NCOA3: variants seen among roughly 807,000 people sequenced by gnomAD.
NCOA3 encodes CBP-interacting protein.
A neutral mutation model predicts 158.8 loss-of-function variants in NCOA3; 51 were observed. That is an observed-to-expected ratio of 0.32 (90% CI 0.26 to 0.41). The LOEUF (loss-of-function observed/expected upper bound fraction) is 0.41. Among genes scored for constraint, NCOA3 ranks in the 10% least tolerant of loss-of-function variants. The probability of loss-of-function intolerance (pLI) is 1.00; values close to 1 mark genes in which losing one functional copy is unlikely to be tolerated. For synonymous variants in NCOA3, 537 were observed against 592.4 expected (o/e 0.91, Z 1.36); for missense variants, 1,510 against 1,746.6 (o/e 0.86, Z 2.41).
chr20:47,623,907 T>G lies in NCOA3; in HGVS notation c.84-4T>G. ...TTCCCCCCTTTCTACGCCTTTTCCC[T>G]TAGTCTTACCTGCAGTGGTGAAAAA... On this transcript the variant is annotated splice_region_variant and splice_polypyrimidine_tract_variant and intron_variant, in intron 3 of 22. Coordinates refer to ENST00000371998, the MANE Select transcript of NCOA3 (RefSeq NM_181659.3). 6.2e-7 allele frequency: 1 copy of G among 1,608,104 alleles called. No individual in the cohort carries two copies.
intron 1 of NCOA3, among the ~76,000 whole-genome samples, chr20:47,518,526 A>G (rs1393706317): frequency 6.6e-6 from 1 of 150,568 alleles, no homozygotes; most frequent in Non-Finnish European, 1.5e-5. Context: ...CGGGTTTTCA[A>G]GAGATTCTCC....
chr20:47,651,629 T>C (rs1221669339), intron 20 of NCOA3, among the ~76,000 whole-genome samples: 1 of 152,128 alleles, frequency 6.6e-6, no homozygotes, highest in Non-Finnish European at 1.5e-5. Flanking sequence ...GAATGCACTT[T>C]GTGGGCTTTT....
chr20:47,562,378 G>A (rs1258345763), intron 1 of NCOA3, among the ~76,000 whole-genome samples: 1 of 152,168 alleles, frequency 6.6e-6, no homozygotes, highest in Non-Finnish European at 1.5e-5. Flanking sequence ...AATTCCTGTT[G>A]CTTCACATAC....
chr20:47,635,465 T>C lies in NCOA3; in HGVS notation c.1256T>C (p.Leu419Ser). 2 of 1,614,132 alleles carry C rather than the reference T, an allele frequency of 1.2e-6. No homozygotes were observed. Among genetic ancestry groups the C allele is most frequent in the Non-Finnish European group, 1.7e-6 (2 of 1,180,020 alleles). The change falls in exon 11 of 23, where the codon TTG (leucine) becomes TCG (serine). Residue 419 changes from leucine (L) to serine (S), a missense_variant. Transcript: ENST00000371998. ...ATGCCGAGCAGCAGGGCCTATGGCT[T>C]GGCAGACCCTAGCACCACAGGGCAG... ...LQMPSSRAYG[L>S]ADPSTTGQMS...
chr20:47,536,484 A>AT (rs981074900), intron 1 of NCOA3, among the ~76,000 whole-genome samples: 2 of 152,208 alleles, frequency 1.3e-5, no homozygotes, highest in Non-Finnish European at 2.9e-5. Context: ...AAAGGAGCTT[A>AT]TTTTTTGGTG....
intron 2 of NCOA3, among the ~76,000 whole-genome samples, chr20:47,616,276 C>G (rs1241822022): frequency 6.6e-6 from 1 of 151,550 alleles, no homozygotes; most frequent in Non-Finnish European, 1.5e-5. Context: ...TCACTGCAAC[C>G]TCCACCTCCT....
At chr20:47,558,149 C>A (rs1053945190) in intron 1 of NCOA3, among the ~76,000 whole-genome samples, 1 of 150,118 alleles carries the variant, frequency 6.7e-6, no homozygotes. Context: ...CCTCCCCCTG[C>A]TAGGTTCAAA....
At chr20:47,576,897 A>G (rs1568696575) in intron 1 of NCOA3, among the ~76,000 whole-genome samples, 1 of 152,078 alleles carries the variant, frequency 6.6e-6, no homozygotes, top group Non-Finnish European at 1.5e-5. Context: ...GCAGCACTGC[A>G]TGCAGTTTTT....
rs1380806649 is a variant in NCOA3 at position 47,533,793 on chromosome 20, C to T, written c.-99+31774C>T. On this transcript the variant is annotated intron_variant, in intron 1 of 22. Transcript: ENST00000371998. ...TGCAGAAATTAGCCCAGCATGGTGG[C>T]AGGTGCCTGTGGTCCTAGCTTACTG... is the stretch of plus-strand genomic sequence containing the variant. 2.0e-5 allele frequency among the ~76,000 whole-genome samples: 3 copies of T among 152,074 alleles called. No homozygotes were observed. The South Asian group carries it at 6.2e-4, about 32-fold the overall frequency.
intron 1 of NCOA3, among the ~76,000 whole-genome samples, chr20:47,580,972 G>T (rs1256904970): frequency 6.6e-6 from 1 of 152,046 alleles, no homozygotes; most frequent in Non-Finnish European, 1.5e-5. Context: ...ATGATGGTGT[G>T]TGCCTGTAGT....
intron 1 of NCOA3, among the ~76,000 whole-genome samples, chr20:47,519,102 C>T (rs1033193222): frequency 2.0e-5 from 3 of 150,924 alleles, no homozygotes; most frequent in Non-Finnish European, 4.4e-5. Flanking sequence ...TGCCACTGCA[C>T]TCCACACTGG....
Position 47,621,654 on chromosome 20 carries a change from A to ATTTTTTTTTTTTTTTT in NCOA3, c.-19-573_-19-558dup, listed in dbSNP as rs749582388. Among the ~76,000 whole-genome samples the ATTTTTTTTTTTTTTTT allele has an allele frequency of 2.3e-3, 270 of 119,728 alleles. 26 individuals carry two copies. The highest frequency in any genetic ancestry group is 7.6e-3 in the African/African-American group (222 of 29,400). 78.5% of individuals were successfully genotyped at this position (119,728 alleles called of 152,430 possible). On this transcript the variant is annotated intron_variant, in intron 2 of 22. Transcript: ENST00000371998. ...AGCATACTATTTTTCCATCAGTCAA[A>ATTTTTTTTTTTTTTTT]TTTTTTTTTTTTTTTTTGAGACGGA...
intron 19 of NCOA3, among the ~76,000 whole-genome samples, chr20:47,650,494 G>A (rs1290284293): frequency 3.3e-5 from 5 of 151,558 alleles, no homozygotes; most frequent in African/African-American, 7.3e-5. Flanking sequence ...CAAGTGATCC[G>A]CCCACCTTGG....
chr20:47,639,538 A>G, intron 14 of NCOA3, 39 bp from the exon 15 acceptor site: 1 of 1,607,092 alleles, frequency 6.2e-7, no homozygotes, highest in Non-Finnish European at 8.5e-7. Context: ...GGATTTCATT[A>G]TAATATGGAA....
chr20:47,508,036 T>C (rs2084056578), intron 1 of NCOA3, among the ~76,000 whole-genome samples: 1 of 152,172 alleles, frequency 6.6e-6, no homozygotes, highest in South Asian at 2.1e-4. Context: ...TTTAGGTCTA[T>C]AAATTGTATT....
intron 2 of NCOA3, among the ~76,000 whole-genome samples, chr20:47,621,503 G>T (rs2146296288): frequency 1.3e-5 from 2 of 152,116 alleles, no homozygotes; most frequent in Middle Eastern, 3.4e-3. Context: ...TGATCGTCTT[G>T]TTTTAAACAA....
chr20:47,625,366 C>A lies in NCOA3; in HGVS notation c.257-15C>A. The A allele has an allele frequency of 6.4e-7, 1 of 1,564,074 alleles. No individual in the cohort carries two copies. The highest frequency in any genetic ancestry group is 1.1e-5 in the South Asian group (1 of 89,994). On this transcript the variant is annotated splice_polypyrimidine_tract_variant and intron_variant, in intron 4 of 22. Coordinates refer to ENST00000371998, the MANE Select transcript of NCOA3 (RefSeq NM_181659.3). ...GATAGTGTGTTATTCGTTATACCACCTTCTGTCTTTTCAGGAAAAACTATT... is the reference window on the plus strand; with the variant it reads ...GATAGTGTGTTATTCGTTATACCACATTCTGTCTTTTCAGGAAAAACTATT...
At chr20:47,557,087 C>G (rs576426971) in intron 1 of NCOA3, among the ~76,000 whole-genome samples, 1 of 152,274 alleles carries the variant, frequency 6.6e-6, no homozygotes, top group East Asian at 1.9e-4. Context: ...AAAGAACATC[C>G]TTTTTCTCCC....
At chr20:47,531,694 T>C (rs755788258) in intron 1 of NCOA3, among the ~76,000 whole-genome samples, 4 of 152,200 alleles carry the variant, frequency 2.6e-5, no homozygotes, top group Admixed American at 6.6e-5. Context: ...GACCTCTTCA[T>C]GCACTTCCCC....
Sources: allele counts gnomAD v4.1 joint callset (sites outside exome capture counted in the v4.1 genomes callset), GRCh38; gene constraint gnomAD v4.1.1; transcripts MANE v1.5; gene names NCBI Gene and HGNC (gene_info 2026-07-23, HGNC 2026-07-21).